MARCHF1: variants seen among roughly 807,000 people sequenced by gnomAD.
MARCHF1 encodes E3 ubiquitin-protein ligase MARCHF1.
Under a neutral mutation model 54.2 loss-of-function variants are expected in MARCHF1, and 40 were observed. The observed-to-expected ratio is 0.74, with a 90% CI of 0.57 to 0.96. MARCHF1 has a LOEUF of 0.96. Ranked by LOEUF, MARCHF1 falls within the 40% of genes least tolerant of loss-of-function variation. The pLI, the probability that MARCHF1 is intolerant of heterozygous loss-of-function variation, is 0.00. For missense variants in MARCHF1, 586 were observed against 656.5 expected (o/e 0.89, Z 1.17); for synonymous variants, 236 against 236.3 (o/e 1.00, Z 0.01).
chr4:163,535,132 C>T lies in MARCHF1; in HGVS notation c.1340-6086G>A, dbSNP rs145263274. On this transcript the variant is annotated intron_variant, in intron 9 of 9. Transcript: ENST00000514618. The stretch of plus-strand genomic sequence containing the variant: ...AAAGATTTCACAGTATCGTTCATAA[C>T]GAAACATACGTTCCACACTTTTAAC... 2.5e-3 allele frequency among the ~76,000 whole-genome samples: 379 copies of T among 151,990 alleles called. 1 individual carries two copies. The highest frequency in any genetic ancestry group is 8.7e-3 in the African/African-American group (361 of 41,464).
chr4:164,012,052 C>A (rs1022177455), intron 2 of MARCHF1, among the ~76,000 whole-genome samples: 1 of 152,216 alleles, frequency 6.6e-6, no homozygotes, highest in Non-Finnish European at 1.5e-5. Flanking sequence ...AAATTTCTTA[C>A]ACCAGCAGGA....
At chr4:164,038,748 G>A (rs1026933902) in intron 2 of MARCHF1, among the ~76,000 whole-genome samples, 17 of 152,194 alleles carry the variant, frequency 1.1e-4, no homozygotes, top group African/African-American at 3.1e-4. Context: ...TCCATCCTAC[G>A]TCTAGAAAAC....
intron 1 of MARCHF1, among the ~76,000 whole-genome samples, chr4:164,223,484 A>C (rs1296719287): frequency 6.6e-6 from 1 of 152,030 alleles, no homozygotes; most frequent in Non-Finnish European, 1.5e-5. Flanking sequence ...GAAGCAAGTG[A>C]AAAATATTGA....
chr4:163,990,010 T>A, intron 2 of MARCHF1, among the ~76,000 whole-genome samples: 1 of 152,220 alleles, frequency 6.6e-6, no homozygotes, highest in East Asian at 1.9e-4. Context: ...ACAGCAATAA[T>A]ATCATTTCCA....
chr4:164,014,330 G>A (rs540746000), intron 2 of MARCHF1, among the ~76,000 whole-genome samples: 20 of 151,974 alleles, frequency 1.3e-4, no homozygotes, highest in South Asian at 2.1e-4. Flanking sequence ...AGCTGTTATC[G>A]GTTCAAACTA....
intron 2 of MARCHF1, among the ~76,000 whole-genome samples, chr4:164,078,098 G>A (rs766226805): frequency 2.0e-4 from 30 of 152,028 alleles, no homozygotes; most frequent in Non-Finnish European, 3.8e-4. Context: ...TTATTGCAGC[G>A]CTGTTCCCAA....
intron 2 of MARCHF1, among the ~76,000 whole-genome samples, chr4:164,039,721 A>G (rs1331431849): frequency 1.3e-5 from 2 of 152,098 alleles, no homozygotes; most frequent in African/African-American, 4.8e-5. Context: ...CTATTGTAGT[A>G]CAATGCTGCT....
chr4:163,925,493 A>G (rs1391781971), intron 3 of MARCHF1, among the ~76,000 whole-genome samples: 2 of 151,998 alleles, frequency 1.3e-5, no homozygotes, highest in East Asian at 1.9e-4. Flanking sequence ...CCATTGTTAC[A>G]TTACTACTTG....
At chr4:163,976,353 T>A (rs1271514720) in intron 3 of MARCHF1, among the ~76,000 whole-genome samples, 1 of 152,166 alleles carries the variant, frequency 6.6e-6, no homozygotes, top group African/African-American at 2.4e-5. Context: ...TAGACTTGTG[T>A]TTGATGACAA....
At chr4:164,118,329 AATT>A (rs1755983947) in intron 1 of MARCHF1, among the ~76,000 whole-genome samples, 1 of 151,588 alleles carries the variant, frequency 6.6e-6, no homozygotes, top group African/African-American at 2.4e-5. Flanking sequence ...AGCAAAAAGA[AATT>A]ATTAACAAAA....
intron 5 of MARCHF1, among the ~76,000 whole-genome samples, chr4:163,667,962 C>T (rs80316545): frequency 0.067 from 10,237 of 152,128 alleles, 468 homozygotes; most frequent in South Asian, 0.11. Flanking sequence ...ATGATTTTTA[C>T]GGTCCTGCTT....
chr4:163,702,453 T>G (rs1043798060), intron 4 of MARCHF1, among the ~76,000 whole-genome samples: 1 of 152,190 alleles, frequency 6.6e-6, no homozygotes. Flanking sequence ...TAGCAGTGGT[T>G]ATTTTGTTAT....
At chr4:164,255,025 G>T (rs868355101) in intron 1 of MARCHF1, among the ~76,000 whole-genome samples, 1 of 152,176 alleles carries the variant, frequency 6.6e-6, no homozygotes, top group Non-Finnish European at 1.5e-5. Context: ...GATTACAGGC[G>T]TGAGCCCCCA....
chr4:164,364,733 TA>T (rs1730832444), intron 1 of MARCHF1, among the ~76,000 whole-genome samples: 1 of 151,900 alleles, frequency 6.6e-6, no homozygotes, highest in Non-Finnish European at 1.5e-5. Flanking sequence ...TCTTTTCTCT[TA>T]ATCCTTTTAT....
intron 1 of MARCHF1, among the ~76,000 whole-genome samples, chr4:164,323,152 T>TAG (rs1735185979): frequency 6.6e-6 from 1 of 151,920 alleles, no homozygotes; most frequent in African/African-American, 2.4e-5. Context: ...ATTGTGCTGT[T>TAG]CTTTCTAAGT....
Position 164,092,394 on chromosome 4 carries a change from C to T in MARCHF1, c.-248+19194G>A, listed in dbSNP as rs139105909. Among the ~76,000 whole-genome samples the T allele has an allele frequency of 4.5e-3, 683 of 152,238 alleles. 4 individuals carry two copies. The highest frequency in any genetic ancestry group is 0.016 in the African/African-American group (652 of 41,562). ...TTCAACCAAAGAACAACATGTACCCCATCATTCAGTGGCAGCTAGCCTGAC... is the reference window on the plus strand; with the variant it reads ...TTCAACCAAAGAACAACATGTACCCTATCATTCAGTGGCAGCTAGCCTGAC... On this transcript the variant is annotated intron_variant, in intron 2 of 9. Transcript: ENST00000514618.
chr4:163,715,484 A>C (rs138165445), intron 4 of MARCHF1, among the ~76,000 whole-genome samples: 1 of 152,262 alleles, frequency 6.6e-6, no homozygotes, highest in African/African-American at 2.4e-5. Flanking sequence ...CTAGTATTGT[A>C]AGCTATACTG....
intron 4 of MARCHF1, among the ~76,000 whole-genome samples, chr4:163,758,623 A>C (rs997111506): frequency 8.5e-5 from 13 of 152,190 alleles, no homozygotes; most frequent in African/African-American, 3.1e-4. Context: ...TTGCAATTAC[A>C]ATTCAGTCAG....
chr4:164,308,070 T>C (rs1734743804), intron 1 of MARCHF1, among the ~76,000 whole-genome samples: 1 of 152,184 alleles, frequency 6.6e-6, no homozygotes, highest in Non-Finnish European at 1.5e-5. Flanking sequence ...TATAGACCAG[T>C]GTATGGGAGA....
Sources: gnomAD v4.1 joint callset for allele counts (sites outside exome capture counted in the v4.1 genomes callset) on GRCh38, gnomAD v4.1.1 for gene constraint, MANE v1.5 for transcripts, NCBI Gene and HGNC (gene_info 2026-07-23, HGNC 2026-07-21) for gene names.